TESMIN: variants seen among roughly 807,000 people sequenced by gnomAD.
The protein encoded by TESMIN is testis expressed metallothionein like protein.
Under a neutral mutation model 47.4 loss-of-function variants are expected in TESMIN, and 34 were observed. The ratio of observed to expected loss-of-function variants is 0.72; its 90% CI spans 0.55 to 0.96. TESMIN has a LOEUF of 0.96. TESMIN is among the 40% of genes least tolerant of loss of function. The probability of loss-of-function intolerance (pLI) is 0.00; values close to 1 mark genes in which losing one functional copy is unlikely to be tolerated. For missense variants in TESMIN, 610 were observed against 637.2 expected, an observed-to-expected ratio of 0.96 and a Z score of 0.46; for synonymous variants, 278 against 258.9, an observed-to-expected ratio of 1.07 and a Z score of -0.71.
At chr11:68,713,516 CAG>C (rs1301254783) in intron 7 of TESMIN, 109 bp from the exon 8 acceptor site, 9 of 1,281,328 alleles carry the variant, frequency 7.0e-6, no homozygotes, top group East Asian at 7.0e-5. Context: ...CCACAATAAA[CAG>C]AGTCTCTTGA....
At chr11:68,715,372 T>C (rs142873101) in intron 7 of TESMIN, among the ~76,000 whole-genome samples, 351 of 152,358 alleles carry the variant, frequency 2.3e-3, no homozygotes, top group African/African-American at 8.0e-3. Flanking sequence ...TTCTTCTCTT[T>C]TTCTGGAAGC....
chr11:68,717,389 T>C (rs1293022910), intron 6 of TESMIN, among the ~76,000 whole-genome samples: 1 of 151,904 alleles, frequency 6.6e-6, no homozygotes, highest in Admixed American at 6.6e-5. Context: ...CCTCATAAAG[T>C]GTGGATCCCT....
chr11:68,733,494 C>T (rs973209292), intron 6 of TESMIN, among the ~76,000 whole-genome samples: 16 of 152,196 alleles, frequency 1.1e-4, no homozygotes, highest in African/African-American at 3.1e-4. Context: ...GGCTGCTTCT[C>T]GCTGTTTTGG....
downstream of TESMIN, among the ~76,000 whole-genome samples, chr11:68,706,086 CATG>C (rs942851437): frequency 1.4e-5 from 2 of 147,678 alleles, no homozygotes; most frequent in South Asian, 2.1e-4. Context: ...CAAATAAGAA[CATG>C]ATATGTTAAT....
At chr11:68,744,163 C>T (rs1354284722) in intron 4 of TESMIN, among the ~76,000 whole-genome samples, 3 of 152,206 alleles carry the variant, frequency 2.0e-5, no homozygotes, top group Non-Finnish European at 2.9e-5. Context: ...CAGGGAGTCA[C>T]GCTTTGTCTT....
In TESMIN at chr11:68,708,325, C is replaced by A; in HGVS notation, c.1510G>T (p.Gly504Ter). 2 of 1,605,898 alleles carry A rather than the reference C, an allele frequency of 1.2e-6. No individual in the cohort carries two copies. Among genetic ancestry groups the A allele is most frequent in the Non-Finnish European group, 1.7e-6 (2 of 1,176,578 alleles). Residue 504 changes from glycine (G) to a stop codon, truncating the protein, a stop_gained, in exon 10 of 10, where the codon GGA (glycine) becomes TGA (stop). Coordinates refer to ENST00000255087, the MANE Select transcript of TESMIN (RefSeq NM_004923.3). LOFTEE classifies it high-confidence loss of function. The stretch of plus-strand genomic sequence containing the variant: ...TTTATACTCTACTCCATTTTCAATC[C>A]CTTAGATTTAAACTCAGTGTGGAGA... ...QILHTEFKSK[G>*]LKME
chr11:68,714,966 T>C (rs1946118943), intron 7 of TESMIN, among the ~76,000 whole-genome samples: 1 of 152,242 alleles, frequency 6.6e-6, no homozygotes, highest in Non-Finnish European at 1.5e-5. Context: ...TACTAAAGTT[T>C]ACATGCGTGA....
Position 68,710,674 on chromosome 11 carries a change from T to G in TESMIN, c.1334+200A>C, listed in dbSNP as rs986188621. ...AGAAGACAAAGAGGACAAAACAGGT[T>G]TCTGCAGCGGGGCCTCTAAGGAAAC... On this transcript the variant is annotated intron_variant, in intron 9 of 9. Transcript: ENST00000255087. 1.3e-5 allele frequency: 7 copies of G among 533,304 alleles called. No individual in the cohort carries two copies. The African/African-American group carries it at 1.4e-4, about 10-fold the overall frequency. The allele number at this position is 533,304 out of a possible 1,614,324, so 33.0% of individuals were successfully genotyped here.
rs755862595 is a variant in TESMIN, at chr11:68,713,397, C to T, written c.1031G>A (p.Gly344Asp). Residue 344 changes from glycine (G) to aspartate (D), a missense_variant, in exon 8 of 10, where the codon GGT becomes GAT. By Grantham distance (94) the Gly-to-Asp change is moderately conservative. Transcript: ENST00000255087. ...TGGCTGGAAAGCTTCTGGATTTCTA[C>T]CAAGACATGCCTAGGGTAGAATGGG... Reference protein sequence around the residue: ...ERFKAIKACLGRNPEAFQPKI... With the variant: ...ERFKAIKACLDRNPEAFQPKI... 1.1e-5 allele frequency: 18 copies of T among 1,613,998 alleles called. No individual in the cohort carries two copies. In the East Asian group the frequency reaches 3.8e-4, roughly 34 times the overall value.
chr11:68,734,007 C>G (rs1045810492), intron 6 of TESMIN, among the ~76,000 whole-genome samples: 1 of 152,126 alleles, frequency 6.6e-6, no homozygotes, highest in African/African-American at 2.4e-5. Flanking sequence ...CTCCCCCTGA[C>G]CTATTTAAAT....
Position 68,713,412 on chromosome 11 carries a change from G to C in TESMIN, c.1021-5C>G, listed in dbSNP as rs909612381. The C allele has an allele frequency of 1.9e-6, 3 of 1,613,738 alleles. No individual in the cohort carries two copies. The highest frequency in any genetic ancestry group is 2.5e-6 in the Non-Finnish European group (3 of 1,179,842). Reference sequence around the variant, plus strand: ...TGGATTTCTACCAAGACATGCCTAGGGTAGAATGGGAAGCTCCATCAGGAT... The same window carrying C: ...TGGATTTCTACCAAGACATGCCTAGCGTAGAATGGGAAGCTCCATCAGGAT... On this transcript the variant is annotated splice_region_variant and splice_polypyrimidine_tract_variant and intron_variant, in intron 7 of 9. Coordinates refer to ENST00000255087, the MANE Select transcript of TESMIN (RefSeq NM_004923.3).
In TESMIN at chr11:68,707,794, GT is replaced by G. The variant is rs1180668225; in HGVS notation, c.*513del. 4 of 455,698 alleles carry G rather than the reference GT, an allele frequency of 8.8e-6. No individual in the cohort carries two copies. Among genetic ancestry groups the G allele is most frequent in the African/African-American group, 8.0e-5 (4 of 50,070 alleles). 28.2% of individuals were successfully genotyped at this position (455,698 alleles called of 1,614,324 possible). On this transcript the variant is annotated 3_prime_UTR_variant, in exon 10 of 10. Coordinates refer to ENST00000255087, the MANE Select transcript of TESMIN (RefSeq NM_004923.3). Reference sequence around the variant, plus strand: ...TCTACGCTACAGAAAATCTTTAGGTGTTCAGTAGTTCTCTAGAGATTTTAAG... The same window carrying G: ...TCTACGCTACAGAAAATCTTTAGGTGTCAGTAGTTCTCTAGAGATTTTAAG...
intron 7 of TESMIN, among the ~76,000 whole-genome samples, chr11:68,714,743 G>A (rs1946115464): frequency 6.6e-6 from 1 of 152,204 alleles, no homozygotes; most frequent in Non-Finnish European, 1.5e-5. Flanking sequence ...TCTCCCAGTG[G>A]ACATTGGCGC....
chr11:68,735,384 A>G (rs1946375504), intron 6 of TESMIN, among the ~76,000 whole-genome samples: 1 of 152,196 alleles, frequency 6.6e-6, no homozygotes, highest in African/African-American at 2.4e-5. Context: ...TTGCGGAGGC[A>G]GTCCAGTGGG....
At chr11:68,737,552 T>A in intron 6 of TESMIN, 1 of 985,708 alleles carries the variant, frequency 1.0e-6, no homozygotes, top group Non-Finnish European at 1.2e-6. Flanking sequence ...GGCTGCGGGC[T>A]GTATCCTGTA....
At chr11:68,731,602 G>A (rs117667100) in intron 6 of TESMIN, among the ~76,000 whole-genome samples, 1,739 of 152,264 alleles carry the variant, frequency 0.011, 26 homozygotes, top group Middle Eastern at 0.027. Context: ...ACTTAGTTGC[G>A]GGGAATAAAA....
intron 6 of TESMIN, among the ~76,000 whole-genome samples, chr11:68,726,763 C>A (rs1188338055): frequency 6.6e-6 from 1 of 151,450 alleles, no homozygotes; most frequent in Non-Finnish European, 1.5e-5. Flanking sequence ...ATATCACAGA[C>A]TGTACAATCT....
At chr11:68,737,225 C>A in intron 6 of TESMIN, 1 of 985,338 alleles carries the variant, frequency 1.0e-6, no homozygotes. Context: ...GCACCCTCAC[C>A]GATCCATCAC....
At chr11:68,713,505 G>T in intron 7 of TESMIN, 98 bp from the exon 8 acceptor site, 1 of 1,387,228 alleles carries the variant, frequency 7.2e-7, no homozygotes. Context: ...TGTAAAAGAT[G>T]CCACAATAAA....
Sources: allele counts gnomAD v4.1 joint callset (sites outside exome capture counted in the v4.1 genomes callset), GRCh38; gene constraint gnomAD v4.1.1; transcripts MANE v1.5; gene names NCBI Gene and HGNC (gene_info 2026-07-23, HGNC 2026-07-21).